Variants in HAPLN1 observed in about 807,000 individuals in gnomAD.
HAPLN1 encodes hyaluronan and proteoglycan link protein 1.
A neutral mutation model predicts 36.5 loss-of-function variants in HAPLN1; 13 were observed. That is an observed-to-expected ratio of 0.36 (90% CI 0.23 to 0.57). The LOEUF (loss-of-function observed/expected upper bound fraction) is 0.57, where lower values mean the gene tolerates loss of function less well. Ranked by LOEUF, HAPLN1 falls within the 20% of genes least tolerant of loss-of-function variation. The pLI, the probability that HAPLN1 is intolerant of heterozygous loss-of-function variation, is 0.83. For synonymous variants in HAPLN1, 202 were observed against 169.8 expected (o/e 1.19, Z -1.48); for missense variants, 407 against 439.7 (o/e 0.93, Z 0.66).
intron 1 of HAPLN1, among the ~76,000 whole-genome samples, chr5:83,713,004 A>T (rs765093336): frequency 6.6e-6 from 1 of 152,094 alleles, no homozygotes; most frequent in Non-Finnish European, 1.5e-5. Context: ...TTATAAATAG[A>T]CTTGAATTAG....
chr5:83,693,240 C>T (rs182997511), intron 1 of HAPLN1, among the ~76,000 whole-genome samples: 1 of 151,832 alleles, frequency 6.6e-6, no homozygotes, highest in East Asian at 1.9e-4. Context: ...ATGAGCAGGA[C>T]TACTGTAGTA....
chr5:83,658,103 T>C (rs553657397), intron 2 of HAPLN1, among the ~76,000 whole-genome samples: 1 of 152,238 alleles, frequency 6.6e-6, no homozygotes, highest in Non-Finnish European at 1.5e-5. Flanking sequence ...GTCAGCTCCA[T>C]AATGAATTAT....
chr5:83,641,534 T>C lies in HAPLN1; in HGVS notation c.1027A>G (p.Lys343Glu), dbSNP rs1430534003. 1.9e-6 allele frequency: 3 copies of C among 1,613,854 alleles called. No homozygotes were observed. The highest frequency in any genetic ancestry group is 3.3e-5 in the Admixed American group (2 of 60,020). ...CTGAAGCAGTAGACACCATACAGCT[T>C]ATGCTTTTTATCTGGGAAACCCACG... The part of the protein sequence containing the change: ...RFVGFPDKKH[K>E]LYGVYCFRAY... Residue 343 changes from lysine to glutamate, a missense_variant, in exon 5 of 5, where the codon AAG becomes GAG. Lys to Glu is a moderately conservative substitution (Grantham distance 56). Coordinates refer to ENST00000274341, the MANE Select transcript of HAPLN1 (RefSeq NM_001884.4).
intron 1 of HAPLN1, among the ~76,000 whole-genome samples, chr5:83,675,733 AT>A (rs1469758305): frequency 6.6e-6 from 1 of 152,204 alleles, no homozygotes; most frequent in Non-Finnish European, 1.5e-5. Flanking sequence ...ATAAACAATG[AT>A]AAAAACACCT....
intron 2 of HAPLN1, among the ~76,000 whole-genome samples, chr5:83,661,205 T>C (rs558177351): frequency 2.4e-4 from 36 of 152,084 alleles, no homozygotes; most frequent in African/African-American, 8.0e-4. Context: ...GTCATCTATA[T>C]CTATATCTAT....
At chr5:83,664,619 A>C (rs1216553994) in intron 2 of HAPLN1, among the ~76,000 whole-genome samples, 1 of 152,036 alleles carries the variant, frequency 6.6e-6, no homozygotes, top group African/African-American at 2.4e-5. Flanking sequence ...CTGACCTCAA[A>C]TGATCTGCTC....
intron 2 of HAPLN1, among the ~76,000 whole-genome samples, chr5:83,658,884 G>A (rs910583579): frequency 6.6e-6 from 1 of 152,170 alleles, no homozygotes; most frequent in Non-Finnish European, 1.5e-5. Context: ...ATTATTGAAT[G>A]CAGAGGATCT....
At position 83,673,454 on chromosome 5, in the gene HAPLN1, G is replaced by T; in HGVS notation, c.70C>A (p.Leu24Met). ...WADHLSDNYTLDHDRAIHIQA... is the reference protein window; with the variant it reads ...WADHLSDNYTMDHDRAIHIQA... ...ATGTGAATAGCTCTGTCATGATCCA[G>T]AGTATAGTTGTCTGAAAGATGATCA... Residue 24 changes from leucine (L) to methionine (M), a missense_variant, in exon 2 of 5, where the codon CTG becomes ATG. By Grantham distance (15) the Leu-to-Met change is conservative (BLOSUM62 2). Transcript: ENST00000274341. 1 of 1,612,340 alleles carries T rather than the reference G, an allele frequency of 6.2e-7. No homozygotes were observed. Among genetic ancestry groups the T allele is most frequent in the Non-Finnish European group, 8.5e-7 (1 of 1,179,200 alleles).
intron 1 of HAPLN1, among the ~76,000 whole-genome samples, chr5:83,706,419 G>C (rs1402353163): frequency 6.6e-6 from 1 of 152,166 alleles, no homozygotes; most frequent in Non-Finnish European, 1.5e-5. Flanking sequence ...TTTAAGGCTG[G>C]TTCAACATAC....
At chr5:83,660,048 C>T (rs910916010) in intron 2 of HAPLN1, among the ~76,000 whole-genome samples, 7 of 151,968 alleles carry the variant, frequency 4.6e-5, no homozygotes, top group Non-Finnish European at 5.9e-5. Context: ...AGTCTTCATG[C>T]TCTGCTCTTT....
rs866668540 is a variant in HAPLN1, at chr5:83,641,278, T to C, written c.*218A>G. On this transcript the variant is annotated 3_prime_UTR_variant, in exon 5 of 5. Transcript: ENST00000274341. ...CAGTTTGGCTCTAAGTCTCCTTACA[T>C]AGAGCTTCCCTTAAATTTATATTAA... The C allele has an allele frequency of 4.8e-5, 12 of 247,448 alleles. No homozygotes were observed. Among genetic ancestry groups the C allele is most frequent in the Non-Finnish European group, 6.7e-5 (9 of 134,608 alleles). 15.3% of individuals were successfully genotyped at this position (247,448 alleles called of 1,614,324 possible). A position where few individuals can be genotyped will look rare whatever the true frequency, so the allele number is the denominator to read the frequency against.
Position 83,639,056 on chromosome 5 carries a change from T to G in HAPLN1, c.*2440A>C, listed in dbSNP as rs1189372130. The G allele has an allele frequency of 6.6e-6, 1 of 152,062 alleles. No homozygotes were observed. The highest frequency in any genetic ancestry group is 1.5e-5 in the Non-Finnish European group (1 of 67,920). 9.4% of individuals were successfully genotyped at this position (152,062 alleles called of 1,614,324 possible). A position where few individuals can be genotyped will look rare whatever the true frequency, so the allele number is the denominator to read the frequency against. ...TGAATTAGCCAGTGTTGTACCAACT[T>G]TCTGTTAGGAATTGTATTAGAATAA... On this transcript the variant is annotated 3_prime_UTR_variant, in exon 5 of 5. Transcript: ENST00000274341.
chr5:83,676,241 G>A (rs1468233885), intron 1 of HAPLN1, among the ~76,000 whole-genome samples: 2 of 123,228 alleles, frequency 1.6e-5, no homozygotes, highest in African/African-American at 6.3e-5. Context: ...CATACACAGA[G>A]ATACGCACAC....
At position 83,637,999 on chromosome 5, in the gene HAPLN1, G is replaced by A. The variant is rs1311684125; in HGVS notation, c.*3497C>T. On this transcript the variant is annotated 3_prime_UTR_variant, in exon 5 of 5. Coordinates refer to ENST00000274341, the MANE Select transcript of HAPLN1 (RefSeq NM_001884.4). ...GGGATAATACTATAGTTGATTTAGCGACACCATATAAATGCTCTTTTTTTT... is the reference window on the plus strand; with the variant it reads ...GGGATAATACTATAGTTGATTTAGCAACACCATATAAATGCTCTTTTTTTT... The A allele has an allele frequency of 1.4e-5, 2 of 146,464 alleles. No individual in the cohort carries two copies. Among genetic ancestry groups the A allele is most frequent in the African/African-American group, 2.5e-5 (1 of 39,426 alleles). The allele number at this position is 146,464 out of a possible 1,614,324, so 9.1% of individuals were successfully genotyped here. A position where few individuals can be genotyped will look rare whatever the true frequency, so the allele number is the denominator to read the frequency against.
At chr5:83,646,916 G>GA (rs1463765525) in intron 3 of HAPLN1, among the ~76,000 whole-genome samples, 3 of 152,232 alleles carry the variant, frequency 2.0e-5, no homozygotes, top group Non-Finnish European at 2.9e-5. Context: ...TTAAGTGACA[G>GA]AAAATCTCAA....
At chr5:83,677,327 T>C (rs1311303180) in intron 1 of HAPLN1, among the ~76,000 whole-genome samples, 10 of 152,286 alleles carry the variant, frequency 6.6e-5, no homozygotes, top group South Asian at 6.2e-4. Context: ...CATTCCCAAC[T>C]ACCATTACCA....
At chr5:83,658,116 GA>G (rs565535890) in intron 2 of HAPLN1, among the ~76,000 whole-genome samples, 3 of 150,306 alleles carry the variant, frequency 2.0e-5, no homozygotes, top group African/African-American at 7.3e-5. Flanking sequence ...TGAATTATTT[GA>G]AAAAAAAATG....
In HAPLN1 at chr5:83,706,103, C is replaced by CAAA. The variant is rs771717902; in HGVS notation, c.-27+14685_-27+14686insTTT. On this transcript the variant is annotated intron_variant, in intron 1 of 4. Coordinates refer to ENST00000274341, the MANE Select transcript of HAPLN1 (RefSeq NM_001884.4). Reference sequence around the variant, plus strand: ...AATCAGTAATAAATAGCCTACCAATCGAAAAAAAAAAAAAACAAAAGCCCA... The same window carrying CAAA: ...AATCAGTAATAAATAGCCTACCAATCAAAGAAAAAAAAAAAAAACAAAAGCCCA... Among the ~76,000 whole-genome samples the CAAA allele has an allele frequency of 4.3e-5, 4 of 92,304 alleles. 1 individual carries two copies. The highest frequency in any genetic ancestry group is 4.3e-5 in the African/African-American group (1 of 23,514). 60.6% of individuals were successfully genotyped at this position (92,304 alleles called of 152,430 possible).
intron 3 of HAPLN1, among the ~76,000 whole-genome samples, chr5:83,651,382 A>ATTCATTAATATCC (rs1750058072): frequency 6.6e-6 from 1 of 152,186 alleles, no homozygotes; most frequent in South Asian, 2.1e-4. Context: ...CATCCTGAAT[A>ATTCATTAATATCC]ATGCCAATGT....
Sources: allele counts gnomAD v4.1 joint callset (sites outside exome capture counted in the v4.1 genomes callset), GRCh38; gene constraint gnomAD v4.1.1; transcripts MANE v1.5; gene names NCBI Gene and HGNC (gene_info 2026-07-23, HGNC 2026-07-21).